The following GSE1 variants were observed in gnomAD, a reference collection of about 807,000 sequenced individuals.
GSE1 encodes the protein genetic suppressor element 1.
In GSE1, 32 loss-of-function variants were observed where a neutral mutation model predicts 112.6. The observed-to-expected ratio is 0.28, with a 90% CI of 0.21 to 0.38. The LOEUF (loss-of-function observed/expected upper bound fraction) is 0.38, where lower values mean the gene tolerates loss of function less well. Among genes scored for constraint, GSE1 ranks in the 10% least tolerant of loss-of-function variants. GSE1 has a pLI of 1.00. For synonymous variants in GSE1, 1,115 were observed against 735.6 expected (o/e 1.52, Z -8.35); for missense variants, 2,348 against 1,699.2 (o/e 1.38, Z -6.71).
At chr16:85,483,746 C>T (rs1004372770) in intron 2 of GSE1, among the ~76,000 whole-genome samples, 1 of 152,276 alleles carries the variant, frequency 6.6e-6, no homozygotes, top group African/African-American at 2.4e-5. Flanking sequence ...GTAAACCTAG[C>T]AGCAGGCTCG....
At chr16:85,322,517 G>C (rs771030416) in intron 1 of GSE1, among the ~76,000 whole-genome samples, 1 of 152,132 alleles carries the variant, frequency 6.6e-6, no homozygotes, top group African/African-American at 2.4e-5. Flanking sequence ...ATACTTGCAG[G>C]GGTCTGCTGG....
In GSE1 at chr16:85,655,791, C is replaced by A; in HGVS notation, c.863C>A (p.Ser288Tyr). The A allele has an allele frequency of 6.2e-7, 1 of 1,605,636 alleles. No homozygotes were observed. Among genetic ancestry groups the A allele is most frequent in the Non-Finnish European group, 8.5e-7 (1 of 1,173,858 alleles). The change falls in exon 6 of 16, where the codon TCC becomes TAC. Residue 288 changes from serine (S) to tyrosine (Y), a missense_variant. Physicochemically the swap from Ser to Tyr is moderately radical, Grantham distance 144. Coordinates refer to ENST00000253458, the MANE Select transcript of GSE1 (RefSeq NM_014615.5). ...SPFYPIPTPGSLPPLHPSAMH... is the reference protein window; with the variant it reads ...SPFYPIPTPGYLPPLHPSAMH... Reference sequence around the variant, plus strand: ...TTCTACCCCATCCCCACCCCCGGCTCCCTGCCCCCACTGCACCCATCAGCG... The same window carrying A: ...TTCTACCCCATCCCCACCCCCGGCTACCTGCCCCCACTGCACCCATCAGCG...
At chr16:85,578,271 T>C (rs1409341725) in intron 1 of GSE1, among the ~76,000 whole-genome samples, 1 of 152,210 alleles carries the variant, frequency 6.6e-6, no homozygotes, top group Non-Finnish European at 1.5e-5. Context: ...GAGGGATAAA[T>C]TACCCCTTCA....
intron 1 of GSE1, among the ~76,000 whole-genome samples, chr16:85,587,920 A>G (rs2046783665): frequency 6.6e-6 from 1 of 152,116 alleles, no homozygotes; most frequent in South Asian, 2.1e-4. Context: ...ACCTTGCTTC[A>G]GCCCCTGCCT....
intron 2 of GSE1, among the ~76,000 whole-genome samples, chr16:85,402,505 G>C (rs181572390): frequency 2.0e-4 from 30 of 152,338 alleles, no homozygotes; most frequent in African/African-American, 6.7e-4. Flanking sequence ...TGGGAGAGTG[G>C]ACCCAGAGAG....
At chr16:85,172,856 G>T (rs1416841174) in intron 1 of GSE1, among the ~76,000 whole-genome samples, 1 of 152,144 alleles carries the variant, frequency 6.6e-6, no homozygotes. Flanking sequence ...CTATCTGGGG[G>T]ACATGTTCAC....
chr16:85,640,897 G>A (rs2050389851), intron 2 of GSE1, among the ~76,000 whole-genome samples: 1 of 151,920 alleles, frequency 6.6e-6, no homozygotes, highest in Non-Finnish European at 1.5e-5. Context: ...CGTTCTCCTG[G>A]CCCGGGGGCC....
intron 1 of GSE1, among the ~76,000 whole-genome samples, chr16:85,278,200 C>G (rs1470403239): frequency 6.6e-6 from 1 of 152,224 alleles, no homozygotes; most frequent in Non-Finnish European, 1.5e-5. Flanking sequence ...CACCCTCCTG[C>G]AGCGTCAGGG....
chr16:85,396,025 C>T (rs906885825), intron 2 of GSE1, among the ~76,000 whole-genome samples: 1 of 152,254 alleles, frequency 6.6e-6, no homozygotes, highest in African/African-American at 2.4e-5. Flanking sequence ...TACCCCTGAG[C>T]TTGCTGCTTC....
rs936165867 is a variant in GSE1, at chr16:85,656,518, C to T, written c.1165C>T (p.Arg389Trp). The T allele has an allele frequency of 6.5e-6, 10 of 1,548,998 alleles. No homozygotes were observed. The highest frequency in any genetic ancestry group is 4.1e-5 in the African/African-American group (3 of 73,020). The change falls in exon 7 of 16, where the codon CGG becomes TGG. Residue 389 changes from arginine to tryptophan, a missense_variant. Physicochemically the swap from Arg to Trp is moderately radical, Grantham distance 101 (BLOSUM62 -3). Transcript: ENST00000253458. ...KERERELERQ[R>W]EQRAREKELL... ...GCGCGAGCGCGAGCTGGAGCGCCAG[C>T]GGGAGCAGCGGGCCCGGGAGAAGGA...
At chr16:85,310,787 C>T (rs952470257) in intron 1 of GSE1, among the ~76,000 whole-genome samples, 3 of 151,746 alleles carry the variant, frequency 2.0e-5, no homozygotes, top group East Asian at 1.9e-4. Flanking sequence ...GCGTCCCCCC[C>T]CCACCCACCT....
At chr16:85,206,367 C>A (rs1169038045) in intron 1 of GSE1, among the ~76,000 whole-genome samples, 2 of 152,160 alleles carry the variant, frequency 1.3e-5, no homozygotes, top group Admixed American at 6.5e-5. Context: ...CACATCTGCC[C>A]TTTGAGAAGC....
chr16:85,293,295 C>G (rs538657300), intron 1 of GSE1, among the ~76,000 whole-genome samples: 19 of 152,274 alleles, frequency 1.2e-4, no homozygotes, highest in Non-Finnish European at 2.8e-4. Flanking sequence ...CCTATAATCC[C>G]AGCCCTCTGG....
At chr16:85,323,229 C>T (rs1205085846) in intron 1 of GSE1, among the ~76,000 whole-genome samples, 1 of 152,088 alleles carries the variant, frequency 6.6e-6, no homozygotes, top group East Asian at 1.9e-4. Flanking sequence ...TTCAATAGAG[C>T]GTTTTTGTGC....
intron 1 of GSE1, among the ~76,000 whole-genome samples, chr16:85,556,550 G>A (rs1214115910): frequency 2.0e-5 from 3 of 151,392 alleles, no homozygotes; most frequent in Admixed American, 1.3e-4. Context: ...GCGCGGCTAC[G>A]TGCGGCGGGG....
chr16:85,223,995 C>T (rs567992512), intron 1 of GSE1, among the ~76,000 whole-genome samples: 1 of 152,112 alleles, frequency 6.6e-6, no homozygotes, highest in Non-Finnish European at 1.5e-5. Flanking sequence ...ATTTCCAGAA[C>T]TTTTATCATC....
Position 85,340,417 on chromosome 16 carries a change from A to G in GSE1, c.2284-17046A>G, listed in dbSNP as rs141548156. Among the ~76,000 whole-genome samples the G allele has an allele frequency of 5.2e-3, 791 of 152,216 alleles. 6 individuals carry two copies. The highest frequency in any genetic ancestry group is 0.018 in the African/African-American group (729 of 41,524). On this transcript the variant is annotated intron_variant, in intron 1 of 2. Coordinates refer to the GSE1 transcript ENST00000637419. ...CACTTTGGGAGACCGAGGCAGGAGG[A>G]TCACTTGAGGTGAGGAGTTCGAAAC...
chr16:85,487,280 C>T (rs1270934366), intron 2 of GSE1, among the ~76,000 whole-genome samples: 1 of 152,178 alleles, frequency 6.6e-6, no homozygotes, highest in African/African-American at 2.4e-5. Flanking sequence ...GCACTCACAG[C>T]CTTGCGTCTC....
chr16:85,273,110 A>C (rs143422329), intron 1 of GSE1, among the ~76,000 whole-genome samples: 3 of 152,258 alleles, frequency 2.0e-5, no homozygotes, highest in Non-Finnish European at 2.9e-5. Context: ...GGAAGAATTG[A>C]AGCCGTGACT....
Sources: allele counts gnomAD v4.1 joint callset (sites outside exome capture counted in the v4.1 genomes callset), GRCh38; gene constraint gnomAD v4.1.1; transcripts MANE v1.5; gene names NCBI Gene and HGNC (gene_info 2026-07-23, HGNC 2026-07-21).